ESR2: variants seen among roughly 807,000 people sequenced by gnomAD.
ESR2 encodes estrogen receptor 2.
In ESR2, 36 loss-of-function variants were observed where a neutral mutation model predicts 49.6. The ratio of observed to expected loss-of-function variants is 0.73; its 90% CI spans 0.56 to 0.96. The LOEUF is 0.96. ESR2 is among the 40% of genes least tolerant of loss of function. The pLI is 0.00. For synonymous variants in ESR2, 320 were observed against 266.1 expected, an observed-to-expected ratio of 1.20 and a Z score of -1.97; for missense variants, 714 against 693.0, an observed-to-expected ratio of 1.03 and a Z score of -0.34.
chr14:64,317,875 TA>T (rs1244110219), intron 1 of ESR2, among the ~76,000 whole-genome samples: 1 of 152,128 alleles, frequency 6.6e-6, no homozygotes, highest in African/African-American at 2.4e-5. Flanking sequence ...CAAGCATCTA[TA>T]AAAAAATCTA....
At chr14:64,279,944 T>C (rs1229790831) in intron 3 of ESR2, 37 bp downstream of exon 3, 5 of 1,568,846 alleles carry the variant, frequency 3.2e-6, no homozygotes, top group South Asian at 1.1e-5. Flanking sequence ...AAATCAAAAG[T>C]AGGAAACTAA....
At chr14:64,240,821 G>C (rs1733310864) in intron 7 of ESR2, among the ~76,000 whole-genome samples, 1 of 152,090 alleles carries the variant, frequency 6.6e-6, no homozygotes, top group Non-Finnish European at 1.5e-5. Context: ...CCAACTGCAG[G>C]GTAATGTAAG....
chr14:64,298,713 C>T (rs992607963), upstream of ESR2, among the ~76,000 whole-genome samples: 3 of 152,204 alleles, frequency 2.0e-5, no homozygotes, highest in African/African-American at 7.2e-5. Flanking sequence ...CTGCAGCCAA[C>T]TCTTTCTAAA....
intron 1 of ESR2, among the ~76,000 whole-genome samples, chr14:64,318,537 C>CAAAAAAAAAAAA (rs58597271): frequency 3.1e-4 from 10 of 32,426 alleles, no homozygotes; most frequent in Admixed American, 5.5e-4. Flanking sequence ...AACTCCATCT[C>CAAAAAAAAAAAA]AAAAAAAAAA....
chr14:64,336,545 A>G (rs1469856461), intron 1 of ESR2: 1 of 152,204 alleles, frequency 6.6e-6, no homozygotes, highest in Non-Finnish European at 1.5e-5. Context: ...GGTTTTCCTC[A>G]TAACACACTG....
intron 1 of ESR2, among the ~76,000 whole-genome samples, chr14:64,302,144 C>G (rs1351404928): frequency 1.3e-5 from 2 of 149,094 alleles, no homozygotes; most frequent in African/African-American, 5.0e-5. Context: ...ACCTGGGTCA[C>G]TTTTTTATTT....
At chr14:64,331,840 AAAAAG>A (rs201953237) in intron 1 of ESR2, among the ~76,000 whole-genome samples, 1,921 of 150,872 alleles carry the variant, frequency 0.013, 47 homozygotes, top group East Asian at 0.076. Context: ...AAAAAAAAAA[AAAAAG>A]AATCCTTTGC....
intron 3 of ESR2, among the ~76,000 whole-genome samples, chr14:64,278,394 T>G (rs914597612): frequency 2.6e-5 from 4 of 152,160 alleles, no homozygotes; most frequent in Admixed American, 6.5e-5. Context: ...ACTACCAACA[T>G]TTCACTCCTC....
intron 3 of ESR2, among the ~76,000 whole-genome samples, chr14:64,277,975 C>CA (rs67110377): frequency 7.2e-4 from 104 of 145,006 alleles, no homozygotes; most frequent in South Asian, 7.0e-3. Context: ...TCCCCAAAAG[C>CA]AAAAAAAAAA....
At chr14:64,277,884 T>C (rs1049892698) in intron 3 of ESR2, among the ~76,000 whole-genome samples, 1 of 151,696 alleles carries the variant, frequency 6.6e-6, no homozygotes. Flanking sequence ...AGAAACAACA[T>C]AGAGAAGCAA....
chr14:64,318,270 T>C (rs140901695), intron 1 of ESR2, among the ~76,000 whole-genome samples: 2,398 of 151,926 alleles, frequency 0.016, 68 homozygotes, highest in East Asian at 0.088. Flanking sequence ...GGTGCGGTGG[T>C]TCATGCCTGT....
chr14:64,282,737 A>C lies in ESR2; in HGVS notation c.249T>G (p.Pro83=), dbSNP rs2076701357. The C allele has an allele frequency of 6.2e-7, 1 of 1,614,140 alleles. No homozygotes were observed. Among genetic ancestry groups the C allele is most frequent in the South Asian group, 1.1e-5 (1 of 91,094 alleles). The stretch of plus-strand genomic sequence containing the variant: ...GGACCACTAAAGGAGAAAGGTGCCC[A>C]GGTGTTGGCCACAACACATTTGGGC... ...TTSPNVLWPT[P]GHLSPLVVHR... is the part of the protein sequence containing the mutation. The change falls in exon 2 of 9, where the codon CCT becomes CCG. Residue 83 remains proline, a synonymous_variant. Transcript: ENST00000341099.
chr14:64,248,604 T>G (rs1391110038), intron 7 of ESR2, among the ~76,000 whole-genome samples: 1 of 152,178 alleles, frequency 6.6e-6, no homozygotes, highest in Non-Finnish European at 1.5e-5. Context: ...GATTTTATTT[T>G]CTTCCTTGTA....
In ESR2 at chr14:64,230,439, A is replaced by T. The variant is rs1329388046; in HGVS notation, c.*2698T>A. On this transcript the variant is annotated 3_prime_UTR_variant, in exon 9 of 9. Coordinates refer to ENST00000341099, the MANE Select transcript of ESR2 (RefSeq NM_001437.3). ...TATTGGTAACTGATTTTTCTTCCTTACTGAAATCTAAGATAGTTGCCCTTC... is the reference window on the plus strand; with the variant it reads ...TATTGGTAACTGATTTTTCTTCCTTTCTGAAATCTAAGATAGTTGCCCTTC... 1.3e-5 allele frequency among the ~76,000 whole-genome samples: 2 copies of T among 152,038 alleles called. No individual in the cohort carries two copies. The highest frequency in any genetic ancestry group is 1.5e-5 in the Non-Finnish European group (1 of 68,008).
intron 1 of ESR2, among the ~76,000 whole-genome samples, chr14:64,334,947 C>A (rs1486239834): frequency 6.6e-6 from 1 of 152,186 alleles, no homozygotes; most frequent in Non-Finnish European, 1.5e-5. Flanking sequence ...CACGCCCAGC[C>A]TGTTGTCTTA....
chr14:64,234,905 T>TG lies in ESR2; in HGVS notation c.1406+64_1406+65insC, dbSNP rs1023533876. The TG allele has an allele frequency of 3.2e-6, 5 of 1,575,714 alleles. No individual in the cohort carries two copies. In the Admixed American group the frequency reaches 7.1e-5, roughly 22 times the overall value. On this transcript the variant is annotated intron_variant, in intron 8 of 8. Transcript: ENST00000341099. ...TTGCAGACACTTTTCCCAAATCACT[T>TG]CACCCTCCGTGGAGCACATAATCCC... is the stretch of plus-strand genomic sequence containing the variant.
chr14:64,290,697 C>T (rs992284326), intron 1 of ESR2, among the ~76,000 whole-genome samples: 2 of 152,164 alleles, frequency 1.3e-5, no homozygotes, highest in African/African-American at 4.8e-5. Context: ...GCCACCACAC[C>T]CAGCCTTTTT....
At chr14:64,246,037 C>T (rs1020030928) in intron 7 of ESR2, among the ~76,000 whole-genome samples, 3 of 152,164 alleles carry the variant, frequency 2.0e-5, no homozygotes, top group African/African-American at 7.2e-5. Flanking sequence ...ATTCCATGAT[C>T]AATTTCAAAT....
intron 1 of ESR2, among the ~76,000 whole-genome samples, chr14:64,332,799 CAAA>C (rs1193703932): frequency 3.2e-5 from 3 of 92,510 alleles, no homozygotes; most frequent in Non-Finnish European, 2.2e-5. Context: ...GACTCCATCT[CAAA>C]AAAAAAAAAA....
Sources: allele counts gnomAD v4.1 joint callset (sites outside exome capture counted in the v4.1 genomes callset), GRCh38; gene constraint gnomAD v4.1.1; transcripts MANE v1.5; gene names NCBI Gene and HGNC (gene_info 2026-07-23, HGNC 2026-07-21).